DPYSL3: variants seen among roughly 807,000 people sequenced by gnomAD.
DPYSL3 encodes dihydropyrimidinase like 3.
A neutral mutation model predicts 66.1 loss-of-function variants in DPYSL3; 16 were observed. The ratio of observed to expected loss-of-function variants is 0.24; its 90% CI spans 0.16 to 0.37. DPYSL3 has a LOEUF of 0.37. Among genes scored for constraint, DPYSL3 ranks in the 10% least tolerant of loss-of-function variants. DPYSL3 has a pLI of 1.00. For missense variants in DPYSL3, 738 were observed against 916.2 expected, an observed-to-expected ratio of 0.81 and a Z score of 2.51; for synonymous variants, 338 against 345.1, an observed-to-expected ratio of 0.98 and a Z score of 0.23.
chr5:147,437,471 T>C (rs1216712047), intron 1 of DPYSL3, among the ~76,000 whole-genome samples: 1 of 152,170 alleles, frequency 6.6e-6, no homozygotes, highest in Non-Finnish European at 1.5e-5. Flanking sequence ...TTCTTGGGGA[T>C]TGTGGTCATA....
At chr5:147,493,447 C>T (rs1318136320) in intron 1 of DPYSL3, among the ~76,000 whole-genome samples, 1 of 152,018 alleles carries the variant, frequency 6.6e-6, no homozygotes, top group African/African-American at 2.4e-5. Context: ...CTGGTGCACA[C>T]GTGTGGTCCC....
At chr5:147,407,379 A>G (rs1471357321) in intron 7 of DPYSL3, among the ~76,000 whole-genome samples, 1 of 152,118 alleles carries the variant, frequency 6.6e-6, no homozygotes, top group Non-Finnish European at 1.5e-5. Context: ...TGGTAAGGCT[A>G]AGGGGAGGTT....
intron 2 of DPYSL3, among the ~76,000 whole-genome samples, chr5:147,421,782 G>A (rs545345705): frequency 1.2e-4 from 18 of 152,258 alleles, no homozygotes; most frequent in African/African-American, 3.4e-4. Flanking sequence ...TTGAATAAAC[G>A]GTGTTGGGAA....
intron 1 of DPYSL3, chr5:147,453,750 G>T: frequency 3.8e-6 from 5 of 1,301,888 alleles, no homozygotes; most frequent in South Asian, 2.1e-5. Flanking sequence ...GGGCTCCCGC[G>T]GCGGCTGCCA....
At chr5:147,478,200 A>G (rs553135389) in intron 1 of DPYSL3, among the ~76,000 whole-genome samples, 1 of 152,340 alleles carries the variant, frequency 6.6e-6, no homozygotes, top group South Asian at 2.1e-4. Flanking sequence ...TCTTCTTAAT[A>G]CACACTCTGA....
At chr5:147,427,632 C>G (rs1554114009) in intron 1 of DPYSL3, among the ~76,000 whole-genome samples, 1 of 152,168 alleles carries the variant, frequency 6.6e-6, no homozygotes, top group African/African-American at 2.4e-5. Context: ...CTGTGCTCTA[C>G]ATCACCAAAT....
At chr5:147,494,915 T>C (rs1753477176) in intron 1 of DPYSL3, among the ~76,000 whole-genome samples, 1 of 136,830 alleles carries the variant, frequency 7.3e-6, no homozygotes, top group African/African-American at 2.7e-5. Context: ...AATAATAGAA[T>C]ATTACAAACA....
intron 1 of DPYSL3, among the ~76,000 whole-genome samples, chr5:147,496,571 C>A (rs1388864452): frequency 6.6e-6 from 1 of 151,928 alleles, no homozygotes; most frequent in Non-Finnish European, 1.5e-5. Context: ...CAAACAACCC[C>A]ATCAAAAAGT....
chr5:147,482,199 A>C (rs1055327223), intron 1 of DPYSL3, among the ~76,000 whole-genome samples: 1 of 152,232 alleles, frequency 6.6e-6, no homozygotes, highest in African/African-American at 2.4e-5. Flanking sequence ...AATGTAATTT[A>C]CCAAGGACTT....
intron 4 of DPYSL3, 81 bp from the exon 5 acceptor site, chr5:147,413,738 T>C (rs1362950602): frequency 1.8e-6 from 2 of 1,135,530 alleles, no homozygotes; most frequent in African/African-American, 3.1e-5. Context: ...CCCACTTCCA[T>C]CGACCATAGC....
At chr5:147,457,005 G>A (rs1752862562) in intron 1 of DPYSL3, among the ~76,000 whole-genome samples, 1 of 151,576 alleles carries the variant, frequency 6.6e-6, no homozygotes, top group Admixed American at 6.6e-5. Context: ...CTCCTAACTG[G>A]GTTCTCTTCC....
chr5:147,463,537 T>C (rs1279349712), intron 1 of DPYSL3, among the ~76,000 whole-genome samples: 2 of 152,072 alleles, frequency 1.3e-5, no homozygotes, highest in Non-Finnish European at 2.9e-5. Context: ...ATGTATTGCA[T>C]TGTTAATGCC....
chr5:147,395,863 A>C, intron 12 of DPYSL3, 142 bp from the exon 13 acceptor site: 1 of 1,052,334 alleles, frequency 9.5e-7, no homozygotes, highest in Non-Finnish European at 1.4e-6. Context: ...GGAAGGGAGA[A>C]GTAGTATAAA....
At chr5:147,444,094 A>T (rs114560605) in intron 1 of DPYSL3, among the ~76,000 whole-genome samples, 1,703 of 152,242 alleles carry the variant, frequency 0.011, 15 homozygotes, top group South Asian at 0.032. Context: ...TTGGAATCAA[A>T]GTCTTGTGAC....
chr5:147,460,251 T>A (rs572864347), intron 1 of DPYSL3, among the ~76,000 whole-genome samples: 1 of 152,340 alleles, frequency 6.6e-6, no homozygotes, highest in East Asian at 1.9e-4. Flanking sequence ...GCCTTAGGCA[T>A]CATGGGGAGA....
intron 1 of DPYSL3, among the ~76,000 whole-genome samples, chr5:147,498,122 GT>G (rs746458557): frequency 7.2e-5 from 11 of 151,900 alleles, no homozygotes; most frequent in Non-Finnish European, 1.5e-4. Context: ...AGTGTGTGTT[GT>G]TTCCCTCTAT....
intron 3 of DPYSL3, among the ~76,000 whole-genome samples, chr5:147,416,851 A>G (rs1751980760): frequency 1.3e-5 from 2 of 152,214 alleles, no homozygotes; most frequent in Non-Finnish European, 2.9e-5. Context: ...TAAATACATA[A>G]ATGCTTTATA....
At chr5:147,453,684 G>A (rs1319206226) in intron 1 of DPYSL3, 6 of 1,420,946 alleles carry the variant, frequency 4.2e-6, no homozygotes, top group Non-Finnish European at 4.6e-6. Flanking sequence ...GAGATCAGGT[G>A]GAGTGAATGG....
intron 1 of DPYSL3, among the ~76,000 whole-genome samples, chr5:147,502,227 C>T (rs1204943709): frequency 1.3e-5 from 2 of 152,140 alleles, no homozygotes; most frequent in South Asian, 2.1e-4. Context: ...CGCTCATGAC[C>T]AAATCAGTAT....
Sources: allele counts gnomAD v4.1 joint callset (sites outside exome capture counted in the v4.1 genomes callset), GRCh38; gene constraint gnomAD v4.1.1; transcripts MANE v1.5; gene names NCBI Gene and HGNC (gene_info 2026-07-23, HGNC 2026-07-21).